KMT2C: variants seen among roughly 807,000 people sequenced by gnomAD.
KMT2C encodes the protein lysine methyltransferase 2C.
Under a neutral mutation model 507.9 loss-of-function variants are expected in KMT2C, and 88 were observed. The observed-to-expected ratio is 0.17, with a 90% CI of 0.15 to 0.21. The LOEUF (loss-of-function observed/expected upper bound fraction) is 0.21, where lower values mean the gene tolerates loss of function less well. KMT2C is among the 10% of genes least tolerant of loss of function. The probability of loss-of-function intolerance (pLI) is 1.00; values close to 1 mark genes in which losing one functional copy is unlikely to be tolerated. For missense variants in KMT2C, 4,954 were observed against 5,957.8 expected (o/e 0.83, Z 5.55); for synonymous variants, 2,049 against 2,080.8 (o/e 0.98, Z 0.42).
At chr7:152,310,923 C>A (rs1001566173) in intron 5 of KMT2C, among the ~76,000 whole-genome samples, 3 of 151,850 alleles carry the variant, frequency 2.0e-5, no homozygotes, top group African/African-American at 7.3e-5. Flanking sequence ...TGAGTTCAAG[C>A]GATCCACCTA....
rs187755629 is a variant in KMT2C, at chr7:152,325,529, C to T, written c.389+5072G>A. On this transcript the variant is annotated intron_variant, in intron 3 of 58. Coordinates refer to ENST00000262189, the MANE Select transcript of KMT2C (RefSeq NM_170606.3). ...AGGCTGGAGTGCAGTGGCAGGATCA[C>T]AGCTCACTACAGCCTCGACCTCCTG... Among the ~76,000 whole-genome samples, 482 of 151,836 alleles carry T rather than the reference C, an allele frequency of 3.2e-3. 2 individuals carry two copies. Among genetic ancestry groups the T allele is most frequent in the African/African-American group, 0.011 (463 of 41,378 alleles).
chr7:152,183,987 G>A (rs560946771), intron 34 of KMT2C, among the ~76,000 whole-genome samples: 7 of 148,564 alleles, frequency 4.7e-5, no homozygotes, highest in Non-Finnish European at 1.0e-4. Context: ...CAGGAGAATC[G>A]CTTGAATCTG....
intron 3 of KMT2C, among the ~76,000 whole-genome samples, chr7:152,319,505 T>C (rs2096751884): frequency 6.6e-6 from 1 of 152,040 alleles, no homozygotes; most frequent in African/African-American, 2.4e-5. Flanking sequence ...TGGACCGTGG[T>C]CTAGCGGTAG....
rs1405249706 is a variant in KMT2C, at chr7:152,139,332, G to GAT, written c.14461-74_14461-73insAT. 18 of 1,401,748 alleles carry GAT rather than the reference G, an allele frequency of 1.3e-5. No individual in the cohort carries two copies. In the African/African-American group the frequency reaches 2.3e-4, roughly 18 times the overall value. The allele number at this position is 1,401,748 out of a possible 1,614,324, so 86.8% of individuals were successfully genotyped here. ...CCCTCTGTGTTCCTATCCACACCAGGAGGACTCAGTCGAAACTGAACGGAA... is the reference window on the plus strand; with the variant it reads ...CCCTCTGTGTTCCTATCCACACCAGGATAGGACTCAGTCGAAACTGAACGGAA... On this transcript the variant is annotated intron_variant, in intron 56 of 58. Coordinates refer to ENST00000262189, the MANE Select transcript of KMT2C (RefSeq NM_170606.3).
At chr7:152,184,937 T>A (rs757760728) in intron 34 of KMT2C, among the ~76,000 whole-genome samples, 9 of 152,168 alleles carry the variant, frequency 5.9e-5, no homozygotes, top group Non-Finnish European at 1.2e-4. Context: ...TCATTTTTTA[T>A]AGAGATGAGG....
Position 152,167,232 on chromosome 7 carries a change from C to A in KMT2C, c.9664G>T (p.Ala3222Ser). ...LSAKQRTAKK[A>S]GREFPEEDAE... Reference sequence around the variant, plus strand: ...TCTTCCTCTGGAAATTCACGCCCAGCTTTCTTGGCAGTACGTTGTTTAGCT... The same window carrying A: ...TCTTCCTCTGGAAATTCACGCCCAGATTTCTTGGCAGTACGTTGTTTAGCT... The change falls in exon 42 of 59, where the codon GCT becomes TCT. Residue 3222 changes from alanine (A) to serine (S), a missense_variant. Transcript: ENST00000262189. 6.2e-7 allele frequency: 1 copy of A among 1,614,150 alleles called. No individual in the cohort carries two copies. Among genetic ancestry groups the A allele is most frequent in the Non-Finnish European group, 8.5e-7 (1 of 1,180,022 alleles).
chr7:152,399,422 A>T (rs928322292), intron 1 of KMT2C, among the ~76,000 whole-genome samples: 1 of 152,210 alleles, frequency 6.6e-6, no homozygotes, highest in Non-Finnish European at 1.5e-5. Flanking sequence ...GATCTCTTCT[A>T]AAGTAAAGAA....
chr7:152,194,684 G>A (rs1166637090), intron 28 of KMT2C, 116 bp from the exon 29 acceptor site: 3 of 688,582 alleles, frequency 4.4e-6, no homozygotes, highest in Middle Eastern at 5.7e-4. Flanking sequence ...GAGAAATAAA[G>A]TCTGTAATTC....
chr7:152,410,576 T>C (rs1481641539), intron 1 of KMT2C, among the ~76,000 whole-genome samples: 1 of 151,408 alleles, frequency 6.6e-6, no homozygotes, highest in Non-Finnish European at 1.5e-5. Flanking sequence ...AGACTCCATC[T>C]CAAATAAAAT....
At chr7:152,264,913 G>C in intron 8 of KMT2C, 125 bp downstream of exon 8, 1 of 1,144,860 alleles carries the variant, frequency 8.7e-7, no homozygotes, top group Non-Finnish European at 1.1e-6. Context: ...TAAGTATGAT[G>C]AAGTCACTGA....
At chr7:152,359,116 G>A (rs1333886041) in intron 1 of KMT2C, among the ~76,000 whole-genome samples, 2 of 151,986 alleles carry the variant, frequency 1.3e-5, no homozygotes, top group East Asian at 3.8e-4. Context: ...TTTGTAAAAG[G>A]TGCTTTTGGT....
intron 41 of KMT2C, among the ~76,000 whole-genome samples, chr7:152,167,585 T>C (rs1356480212): frequency 2.0e-5 from 3 of 152,354 alleles, no homozygotes; most frequent in Middle Eastern, 3.4e-3. Flanking sequence ...AGAATGCACA[T>C]TCTTGAGATA....
chr7:152,323,593 C>T (rs1375404050), intron 3 of KMT2C, among the ~76,000 whole-genome samples: 2 of 147,704 alleles, frequency 1.4e-5, no homozygotes, highest in Non-Finnish European at 3.0e-5. Context: ...GAGTTGTGAG[C>T]ATGGCACTGT....
At chr7:152,184,179 A>T (rs988444752) in intron 34 of KMT2C, among the ~76,000 whole-genome samples, 2 of 146,414 alleles carry the variant, frequency 1.4e-5, no homozygotes, top group South Asian at 2.1e-4. Flanking sequence ...TCACTTAAAA[A>T]TTTAAAAATT....
intron 1 of KMT2C, among the ~76,000 whole-genome samples, chr7:152,416,235 A>G (rs2097734208): frequency 1.3e-5 from 2 of 152,128 alleles, no homozygotes. Flanking sequence ...TTAGTATTCT[A>G]CTAAAAATAC....
In KMT2C at chr7:152,138,915, C is replaced by T. The variant is rs139428842; in HGVS notation, c.14535-11G>A. 385 of 1,595,032 alleles carry T rather than the reference C, an allele frequency of 2.4e-4. 1 individual carries two copies. In the African/African-American group the frequency reaches 4.3e-3, roughly 18 times the overall value. On this transcript the variant is annotated splice_polypyrimidine_tract_variant and intron_variant, in intron 57 of 58. Transcript: ENST00000262189. The surrounding 1 kb of genome is among the most constrained non-coding windows in gnomAD (Gnocchi z 4.2). ...GAATGGTTGATATACCTGCAAGCCA[C>T]CATGTCAGAAAACTGTATTGTAAAA...
At chr7:152,368,701 T>C in intron 1 of KMT2C, 1 of 1,327,136 alleles carries the variant, frequency 7.5e-7, no homozygotes, top group South Asian at 1.3e-5. Flanking sequence ...GTTGCCAATA[T>C]GCCAGCTTGG....
chr7:152,395,530 G>A (rs578186113), intron 1 of KMT2C, among the ~76,000 whole-genome samples: 2 of 143,684 alleles, frequency 1.4e-5, no homozygotes, highest in Admixed American at 1.3e-4. Context: ...TTGTTTTTGA[G>A]ACAGTCTCCC....
intron 2 of KMT2C, among the ~76,000 whole-genome samples, chr7:152,349,715 G>T (rs2097095020): frequency 6.6e-6 from 1 of 151,954 alleles, no homozygotes; most frequent in African/African-American, 2.4e-5. Context: ...TATAATGACA[G>T]ATACCTGTCA....
Sources: allele counts gnomAD v4.1 joint callset (sites outside exome capture counted in the v4.1 genomes callset), GRCh38; gene constraint gnomAD v4.1.1; non-coding constraint Gnocchi (gnomAD v3.1); transcripts MANE v1.5; gene names NCBI Gene and HGNC (gene_info 2026-07-23, HGNC 2026-07-21).